The following TUBGCP5 variants were observed in gnomAD, a reference collection of about 807,000 sequenced individuals.
TUBGCP5 encodes the protein gamma-tubulin complex component 5.
In TUBGCP5, 98 loss-of-function variants were observed where a neutral mutation model predicts 134.7. That is an observed-to-expected ratio of 0.73 (90% CI 0.62 to 0.86). The LOEUF is 0.86. Ranked by LOEUF, TUBGCP5 falls within the 40% of genes least tolerant of loss-of-function variation. The pLI, the probability that TUBGCP5 is intolerant of heterozygous loss-of-function variation, is 0.00. For synonymous variants in TUBGCP5, 456 were observed against 431.4 expected, an observed-to-expected ratio of 1.06 and a Z score of -0.71; for missense variants, 1,150 against 1,244.8, an observed-to-expected ratio of 0.92 and a Z score of 1.15.
chr15:23,008,637 A>C, intron 16 of TUBGCP5, 62 bp downstream of exon 16: 4 of 1,495,376 alleles, frequency 2.7e-6, no homozygotes, highest in Non-Finnish European at 3.7e-6. Context: ...AATTCATAGA[A>C]GACTTACTGG....
At position 22,983,804 on chromosome 15, in the gene TUBGCP5, T is replaced by C. The variant is rs531567716; in HGVS notation, c.*62-193A>G. Among the ~76,000 whole-genome samples, 38 of 152,064 alleles carry C rather than the reference T, an allele frequency of 2.5e-4. 1 individual carries two copies. Among genetic ancestry groups the C allele is most frequent in the Admixed American group, 1.7e-3 (26 of 15,252 alleles). ...TGGTCAACCATAGTCTGAAAATAGGTGAGTATAGTACAGTGCTTATTTAAA... is the reference window on the plus strand; with the variant it reads ...TGGTCAACCATAGTCTGAAAATAGGCGAGTATAGTACAGTGCTTATTTAAA... On this transcript the variant is annotated intron_variant and NMD_transcript_variant, in intron 23 of 23. Coordinates refer to the TUBGCP5 transcript ENST00000614508.
chr15:23,005,919 TAAA>T, intron 18 of TUBGCP5, 130 bp downstream of exon 18: 1 of 1,019,588 alleles, frequency 9.8e-7, no homozygotes, highest in Non-Finnish European at 1.4e-6. Context: ...TGTGTACACA[TAAA>T]AAATGATCAA....
chr15:23,005,890 T>C (rs922318776), intron 18 of TUBGCP5, 162 bp downstream of exon 18: 1 of 757,336 alleles, frequency 1.3e-6, no homozygotes, highest in African/African-American at 1.8e-5. Flanking sequence ...ACTGCTAGAA[T>C]ACGCACCATT....
At chr15:22,988,693 G>C (rs1181116854) in intron 23 of TUBGCP5, among the ~76,000 whole-genome samples, 5 of 149,472 alleles carry the variant, frequency 3.3e-5, no homozygotes, top group Middle Eastern at 3.5e-3. Flanking sequence ...CCGAGATCGC[G>C]TGACTGCACT....
intron 14 of TUBGCP5, 125 bp downstream of exon 14, chr15:23,011,008 G>T: frequency 4.5e-6 from 4 of 879,650 alleles, no homozygotes; most frequent in Non-Finnish European, 6.8e-6. Flanking sequence ...AAAGGAAAAA[G>T]AAAAAAGAAA....
In TUBGCP5 at chr15:23,005,439, A is replaced by T; in HGVS notation, c.2705T>A (p.Met902Lys). 1.9e-6 allele frequency: 3 copies of T among 1,613,964 alleles called. No homozygotes were observed. Among genetic ancestry groups the T allele is most frequent in the Non-Finnish European group, 2.5e-6 (3 of 1,179,898 alleles). ...HFVNSLHNYI[M>K]TRILHSTGLE... ...GATGGGAGAGGCACAAACCCTGGTCATGATGTAGTTGTGCAAGCTGTTCAC... is the reference window on the plus strand; with the variant it reads ...GATGGGAGAGGCACAAACCCTGGTCTTGATGTAGTTGTGCAAGCTGTTCAC... Residue 902 changes from methionine (M) to lysine (K), a missense_variant, in exon 19 of 23, where the codon ATG (methionine) becomes AAG (lysine). Met to Lys is a moderately conservative substitution (Grantham distance 95). Transcript: ENST00000615383.
chr15:23,003,259 G>T, intron 20 of TUBGCP5, 106 bp from the exon 21 acceptor site: 1 of 1,092,074 alleles, frequency 9.2e-7, no homozygotes, highest in Non-Finnish European at 1.4e-6. Flanking sequence ...CATCACCACA[G>T]TGACTGCCTT....
chr15:23,009,586 T>C (rs1438013168), intron 15 of TUBGCP5, among the ~76,000 whole-genome samples: 1 of 152,146 alleles, frequency 6.6e-6, no homozygotes, highest in Non-Finnish European at 1.5e-5. Context: ...ATAATTTTTA[T>C]GAACTTTACA....
chr15:23,022,342 GAA>G (rs2065753037), intron 10 of TUBGCP5, among the ~76,000 whole-genome samples, 181 bp from the exon 11 acceptor site: 1 of 152,004 alleles, frequency 6.6e-6, no homozygotes, highest in Admixed American at 6.5e-5. Context: ...AAGTCACAGA[GAA>G]AAAGACAACT....
Position 23,006,034 on chromosome 15 carries a change from G to C in TUBGCP5, c.2533+18C>G. On this transcript the variant is annotated intron_variant, in intron 18 of 22. Transcript: ENST00000615383. ...AATTAAATAAAATTACAATTTATCT[G>C]CTGAAAACAAATCTTACCACCAAAA... is the stretch of plus-strand genomic sequence containing the variant. 1 of 1,577,818 alleles carries C rather than the reference G, an allele frequency of 6.3e-7. No individual in the cohort carries two copies. The highest frequency in any genetic ancestry group is 2.3e-5 in the East Asian group (1 of 44,022).
rs1223193970 is a variant in TUBGCP5, at chr15:23,027,311, T to C, written c.623-5A>G. The C allele has an allele frequency of 6.2e-7, 1 of 1,612,224 alleles. No individual in the cohort carries two copies. Among genetic ancestry groups the C allele is most frequent in the Non-Finnish European group, 8.5e-7 (1 of 1,178,632 alleles). On this transcript the variant is annotated splice_polypyrimidine_tract_variant and splice_region_variant and intron_variant, in intron 6 of 22. Coordinates refer to ENST00000615383, the MANE Select transcript of TUBGCP5 (RefSeq NM_052903.6). ...AGCTTCGGTCATCTGGCTCATCTGC[T>C]TGAAAGAAATGTAATCAGTTTGAGT...
downstream of TUBGCP5, among the ~76,000 whole-genome samples, chr15:22,998,008 G>A (rs1418553772): frequency 6.6e-6 from 1 of 151,836 alleles, no homozygotes; most frequent in Non-Finnish European, 1.5e-5. Context: ...TAACTGGTTA[G>A]CTCACAAAAA....
intron 18 of TUBGCP5, chr15:23,005,811 T>C: frequency 2.9e-6 from 2 of 681,460 alleles, no homozygotes; most frequent in Non-Finnish European, 4.8e-6. Flanking sequence ...AATCAAGTTG[T>C]TGCATTTCAG....
At chr15:22,988,009 A>C (rs928805433) in intron 23 of TUBGCP5, among the ~76,000 whole-genome samples, 13 of 150,870 alleles carry the variant, frequency 8.6e-5, no homozygotes, top group Non-Finnish European at 1.5e-4. Flanking sequence ...GTGGGACCTC[A>C]CCAGACACCC....
At chr15:23,005,254 C>T (rs796091154) in intron 19 of TUBGCP5, among the ~76,000 whole-genome samples, 178 bp downstream of exon 19, 24 of 152,226 alleles carry the variant, frequency 1.6e-4, no homozygotes, top group African/African-American at 4.8e-4. Flanking sequence ...ACACATATTC[C>T]GGTATATTTA....
chr15:23,026,374 T>A (rs1026791336), intron 7 of TUBGCP5, among the ~76,000 whole-genome samples, 169 bp from the exon 8 acceptor site: 1 of 152,214 alleles, frequency 6.6e-6, no homozygotes, highest in Non-Finnish European at 1.5e-5. Flanking sequence ...CAGAATACTC[T>A]GAGAAACACT....
chr15:23,039,304 C>A, intron 1 of TUBGCP5, 94 bp downstream of exon 1: 1 of 1,216,630 alleles, frequency 8.2e-7, no homozygotes, highest in Non-Finnish European at 1.0e-6. Context: ...CGCCCCATGC[C>A]CTGCCCCAGC....
rs71414252 is a variant in TUBGCP5 at position 22,993,525 on chromosome 15, GTTTTTTTTT to G, written c.*61+3311_*61+3319del. ...TAATCCTCCCACCTCAGCCCCCGAA[GTTTTTTTTT>G]TTTTTTTTTTTTTTTTTTTTTTTAA... is the stretch of plus-strand genomic sequence containing the variant. On this transcript the variant is annotated intron_variant and NMD_transcript_variant, in intron 23 of 23. Coordinates refer to the TUBGCP5 transcript ENST00000614508. Among the ~76,000 whole-genome samples, 345 of 69,256 alleles carry G rather than the reference GTTTTTTTTT, an allele frequency of 5.0e-3. 7 individuals are homozygous for G. Among genetic ancestry groups the G allele is most frequent in the African/African-American group, 0.018 (300 of 16,726 alleles). The allele number at this position is 69,256 out of a possible 152,430, so 45.4% of individuals were successfully genotyped here.
In TUBGCP5 at chr15:23,005,391, G is replaced by A. The variant is rs1175759595; in HGVS notation, c.2712+41C>T. On this transcript the variant is annotated intron_variant, in intron 19 of 22. Transcript: ENST00000615383. Reference sequence around the variant, plus strand: ...GTAATTCTCTACGAACAACTGTATAGATACGACGATAGAACTGAAGCAGAT... The same window carrying A: ...GTAATTCTCTACGAACAACTGTATAAATACGACGATAGAACTGAAGCAGAT... 1.9e-6 allele frequency: 3 copies of A among 1,601,752 alleles called. No homozygotes were observed. The Admixed American group carries it at 5.1e-5, about 27-fold the overall frequency.
Sources: gnomAD v4.1 joint callset for allele counts (sites outside exome capture counted in the v4.1 genomes callset) on GRCh38, gnomAD v4.1.1 for gene constraint, MANE v1.5 for transcripts, NCBI Gene and HGNC (gene_info 2026-07-23, HGNC 2026-07-21) for gene names.